SUMF1: variants seen among roughly 807,000 people sequenced by gnomAD.
SUMF1 encodes the protein sulfatase modifying factor 1, also known as formylglycine-generating enzyme.
SUMF1 carries 48 observed loss-of-function variants against 47.6 expected under a neutral mutation model. The ratio of observed to expected loss-of-function variants is 1.01; its 90% confidence interval spans 0.80 to 1.28. The LOEUF (loss-of-function observed/expected upper bound fraction) is 1.28. Ranked by LOEUF, SUMF1 falls within the 50% of genes most tolerant of loss-of-function variation. The probability of loss-of-function intolerance (pLI) is 0.00; values close to 1 mark genes in which losing one functional copy is unlikely to be tolerated. For synonymous variants in SUMF1, 230 were observed against 192.1 expected, an observed-to-expected ratio of 1.20 and a Z score of -1.63; for missense variants, 571 against 485.4, an observed-to-expected ratio of 1.18 and a Z score of -1.66.
intron 8 of SUMF1, among the ~76,000 whole-genome samples, chr3:4,107,612 G>A (rs1693188460): frequency 6.6e-6 from 1 of 152,062 alleles, no homozygotes; most frequent in African/African-American, 2.4e-5. Context: ...GACATTCAAT[G>A]ATCAGCCATT....
At chr3:4,246,027 G>C (rs112942310) in intron 8 of SUMF1, among the ~76,000 whole-genome samples, 3,912 of 152,290 alleles carry the variant, frequency 0.026, 174 homozygotes, top group African/African-American at 0.09. Context: ...TGCTGCACTA[G>C]CAGCGAGCAA....
chr3:4,265,646 T>C (rs946562467), intron 8 of SUMF1, among the ~76,000 whole-genome samples: 1 of 151,762 alleles, frequency 6.6e-6, no homozygotes, highest in Non-Finnish European at 1.5e-5. Context: ...GTCAGATGAG[T>C]AGGTTGCGAA....
chr3:4,370,542 T>C (rs1700137293), intron 8 of SUMF1, among the ~76,000 whole-genome samples: 1 of 152,196 alleles, frequency 6.6e-6, no homozygotes, highest in Non-Finnish European at 1.5e-5. Flanking sequence ...CCACAAAACC[T>C]AGCATATAAC....
In SUMF1 at chr3:4,244,751, G is replaced by A. The variant is rs145597692; in HGVS notation, c.1014+131579C>T. Among the ~76,000 whole-genome samples, 498 of 151,976 alleles carry A rather than the reference G, an allele frequency of 3.3e-3. 2 individuals carry two copies. Among genetic ancestry groups the A allele is most frequent in the Non-Finnish European group, 5.5e-3 (372 of 67,976 alleles). On this transcript the variant is annotated intron_variant and NMD_transcript_variant, in intron 8 of 12. Transcript: ENST00000448413. ...TATGTGTCTTCAGGTTCCTATTCTC[G>A]TGGAGTATCTCTCTGGTGTTCTCTG...
In SUMF1 at chr3:4,159,481, T is replaced by G. The variant is rs1485897914; in HGVS notation, c.1015-90736A>C. ...TTGCCCAGTTTTAAACCTTTTGTTT[T>G]TTCTATTTATATCTTACTGTACTAT... is the stretch of plus-strand genomic sequence containing the variant. On this transcript the variant is annotated intron_variant and NMD_transcript_variant, in intron 8 of 12. Coordinates refer to the SUMF1 transcript ENST00000448413. Among the ~76,000 whole-genome samples the G allele has an allele frequency of 3.3e-5, 5 of 150,874 alleles. 1 individual carries two copies. Among genetic ancestry groups the G allele is most frequent in the Admixed American group, 3.3e-4 (5 of 15,260 alleles).
intron 8 of SUMF1, among the ~76,000 whole-genome samples, chr3:4,173,085 C>A (rs1466118956): frequency 6.6e-6 from 1 of 152,120 alleles, no homozygotes; most frequent in Non-Finnish European, 1.5e-5. Flanking sequence ...AGCTGGTTTT[C>A]CCAGCACAAT....
rs13318331 is a variant in SUMF1, at chr3:4,363,041, A to G, written c.1015-787T>C. ...ACTGGAAGATTCCGAATGCACCACAATGTGCACAGTAGTTATCCCTCAAGC... is the reference window on the plus strand; with the variant it reads ...ACTGGAAGATTCCGAATGCACCACAGTGTGCACAGTAGTTATCCCTCAAGC... On this transcript the variant is annotated intron_variant, in intron 8 of 8. Coordinates refer to ENST00000272902, the MANE Select transcript of SUMF1 (RefSeq NM_182760.4). Among the ~76,000 whole-genome samples the G allele has an allele frequency of 2.7e-3, 415 of 152,356 alleles. 2 individuals are homozygous for G. The highest frequency in any genetic ancestry group is 9.1e-3 in the African/African-American group (379 of 41,584).
chr3:4,066,568 G>A lies in SUMF1; in HGVS notation c.1191+2001C>T, dbSNP rs185208581. ...CAAGGAAACTGAAACTCACCAGATC[G>A]GTGAGATGCCAGACCCATTATTCCT... On this transcript the variant is annotated intron_variant and NMD_transcript_variant, in intron 9 of 12. Coordinates refer to the SUMF1 transcript ENST00000448413. 2.2e-3 allele frequency among the ~76,000 whole-genome samples: 328 copies of A among 152,136 alleles called. 1 individual carries two copies. Among genetic ancestry groups the A allele is most frequent in the African/African-American group, 7.5e-3 (311 of 41,486 alleles).
chr3:4,186,536 T>C (rs1479961650), intron 8 of SUMF1, among the ~76,000 whole-genome samples: 3 of 152,138 alleles, frequency 2.0e-5, no homozygotes, highest in Admixed American at 6.5e-5. Flanking sequence ...AATAAGTATA[T>C]GGCCTAGAGT....
In SUMF1 at chr3:4,313,503, A is replaced by G. The variant is rs768158622; in HGVS notation, c.1014+62827T>C. 6.2e-6 allele frequency: 10 copies of G among 1,613,812 alleles called. No homozygotes were observed. In the Middle Eastern group the frequency reaches 6.6e-4, roughly 107 times the overall value. The stretch of plus-strand genomic sequence containing the variant: ...TTTTTGCAGCCAAAGATATTGTGCC[A>G]GAAGAAGAACTCTCTTATGATTATT... On this transcript the variant is annotated intron_variant and NMD_transcript_variant, in intron 8 of 12. Coordinates refer to the SUMF1 transcript ENST00000448413.
intron 8 of SUMF1, among the ~76,000 whole-genome samples, chr3:4,241,500 T>C (rs1575010361): frequency 1.3e-5 from 2 of 152,166 alleles, no homozygotes; most frequent in Admixed American, 1.3e-4. Flanking sequence ...ATCTCATCTG[T>C]TCATAATACC....
chr3:4,232,015 AG>A (rs1696309401), intron 8 of SUMF1, among the ~76,000 whole-genome samples: 1 of 152,170 alleles, frequency 6.6e-6, no homozygotes. Flanking sequence ...GATCAGAACA[AG>A]TAACTGAAAC....
At chr3:4,164,805 T>C (rs952344329) in intron 8 of SUMF1, among the ~76,000 whole-genome samples, 3 of 152,256 alleles carry the variant, frequency 2.0e-5, no homozygotes, top group South Asian at 4.1e-4. Context: ...CTGTGCCAGA[T>C]TGGATAATAA....
In SUMF1 at chr3:4,383,419, T is replaced by C. The variant is rs537717023; in HGVS notation, c.955-7030A>G. On this transcript the variant is annotated intron_variant, in intron 7 of 8. Coordinates refer to ENST00000272902, the MANE Select transcript of SUMF1 (RefSeq NM_182760.4). ...AATAAAAATAAAAAGAGATCAGACA[T>C]CTTTTCAACAAATAAATAGCAAGGG... Among the ~76,000 whole-genome samples the C allele has an allele frequency of 1.1e-4, 16 of 152,128 alleles. No individual in the cohort carries two copies. In the South Asian group the frequency reaches 2.9e-3, roughly 28 times the overall value.
At chr3:4,288,049 AAAT>A (rs1261244569) in intron 8 of SUMF1, among the ~76,000 whole-genome samples, 3 of 152,100 alleles carry the variant, frequency 2.0e-5, no homozygotes, top group Non-Finnish European at 4.4e-5. Context: ...TGCAAAGGCA[AAAT>A]AATGACCCCA....
chr3:4,389,352 T>C (rs952697946), intron 7 of SUMF1, among the ~76,000 whole-genome samples: 10 of 150,886 alleles, frequency 6.6e-5, no homozygotes, highest in Admixed American at 6.6e-4. Flanking sequence ...TTTTTCCCTA[T>C]AGGTAAGGTG....
intron 9 of SUMF1, among the ~76,000 whole-genome samples, chr3:4,041,723 C>T (rs111336226): frequency 6.6e-6 from 1 of 152,304 alleles, no homozygotes; most frequent in African/African-American, 2.4e-5. Flanking sequence ...TCTTGTAAGG[C>T]ACAGGCATAC....
chr3:4,198,191 A>G (rs940097426), intron 8 of SUMF1, among the ~76,000 whole-genome samples: 3 of 152,054 alleles, frequency 2.0e-5, no homozygotes, highest in African/African-American at 7.2e-5. Context: ...ATAAACAAAG[A>G]GTGGAAATAA....
At chr3:4,319,222 G>C (rs1343003425) in intron 8 of SUMF1, among the ~76,000 whole-genome samples, 1 of 152,230 alleles carries the variant, frequency 6.6e-6, no homozygotes, top group East Asian at 1.9e-4. Flanking sequence ...GCTAGGCATA[G>C]CCTTAGCATT....
Sources: allele counts gnomAD v4.1 joint callset (sites outside exome capture counted in the v4.1 genomes callset), GRCh38; gene constraint gnomAD v4.1.1; transcripts MANE v1.5; gene names NCBI Gene and HGNC (gene_info 2026-07-23, HGNC 2026-07-21).